Variants in DPYD observed in about 807,000 individuals in gnomAD.
DPYD encodes the protein dihydropyrimidine dehydrogenase [NADP(+)].
A neutral mutation model predicts 116.2 loss-of-function variants in DPYD; 109 were observed. That is an observed-to-expected ratio of 0.94 (90% CI 0.80 to 1.10). The LOEUF is 1.10. Ranked by LOEUF, DPYD falls within the 50% of genes least tolerant of loss-of-function variation. The pLI, the probability that DPYD is intolerant of heterozygous loss-of-function variation, is 0.00. For missense variants in DPYD, 1,302 were observed against 1,254.5 expected, an observed-to-expected ratio of 1.04 and a Z score of -0.57; for synonymous variants, 440 against 432.0, an observed-to-expected ratio of 1.02 and a Z score of -0.23.
chr1:97,424,266 A>G (rs908317144), intron 14 of DPYD, among the ~76,000 whole-genome samples: 3 of 152,118 alleles, frequency 2.0e-5, no homozygotes, highest in Non-Finnish European at 4.4e-5. Context: ...TCGTGGTTAC[A>G]TGGTGAGGCT....
At chr1:97,799,855 C>T (rs1014219918) in intron 3 of DPYD, among the ~76,000 whole-genome samples, 1 of 151,824 alleles carries the variant, frequency 6.6e-6, no homozygotes, top group African/African-American at 2.4e-5. Context: ...TAGAACAGAA[C>T]CTTGTTGTTA....
At chr1:97,696,204 AT>A (rs889898765) in intron 6 of DPYD, among the ~76,000 whole-genome samples, 3 of 152,020 alleles carry the variant, frequency 2.0e-5, no homozygotes, top group Non-Finnish European at 4.4e-5. Context: ...ATCAGAGGAC[AT>A]TTTTTTAGAG....
intron 19 of DPYD, among the ~76,000 whole-genome samples, chr1:97,228,436 T>C (rs1421358610): frequency 1.3e-5 from 2 of 152,174 alleles, no homozygotes; most frequent in African/African-American, 4.8e-5. Context: ...TGTAAATCTT[T>C]ATTTTAGCAG....
chr1:97,563,776 C>T (rs188816222), intron 11 of DPYD, among the ~76,000 whole-genome samples: 77 of 152,288 alleles, frequency 5.1e-4, no homozygotes, highest in African/African-American at 1.8e-3. Flanking sequence ...GATTCCCAAT[C>T]ACTTTCAACA....
At position 97,261,423 on chromosome 1, in the gene DPYD, C is replaced by A. The variant is rs142487018; in HGVS notation, c.2300-26429G>T. On this transcript the variant is annotated intron_variant, in intron 18 of 22. Coordinates refer to ENST00000370192, the MANE Select transcript of DPYD (RefSeq NM_000110.4). ...GCACAAATATGAGAAAATTAAGTATCAAGTGACACTTGCTAGTGTGGATGA... is the reference window on the plus strand; with the variant it reads ...GCACAAATATGAGAAAATTAAGTATAAAGTGACACTTGCTAGTGTGGATGA... Among the ~76,000 whole-genome samples the A allele has an allele frequency of 4.1e-3, 612 of 150,218 alleles. 11 individuals are homozygous for A. Among genetic ancestry groups the A allele is most frequent in the African/African-American group, 0.014 (589 of 40,996 alleles).
chr1:97,210,982 T>G (rs1324382564), intron 19 of DPYD, among the ~76,000 whole-genome samples: 2 of 152,154 alleles, frequency 1.3e-5, no homozygotes, highest in Non-Finnish European at 2.9e-5. Context: ...CTTGCCTCAC[T>G]GCAATACTTT....
chr1:97,470,437 A>G (rs1320046967), intron 13 of DPYD, among the ~76,000 whole-genome samples: 1 of 152,002 alleles, frequency 6.6e-6, no homozygotes, highest in Non-Finnish European at 1.5e-5. Flanking sequence ...GTGTGGCACA[A>G]TACAAATGAT....
intron 2 of DPYD, among the ~76,000 whole-genome samples, chr1:97,874,367 G>A (rs1476903034): frequency 6.6e-6 from 1 of 151,856 alleles, no homozygotes; most frequent in African/African-American, 2.4e-5. Context: ...CATAAGGAAG[G>A]AGAACTACAA....
intron 13 of DPYD, among the ~76,000 whole-genome samples, chr1:97,514,051 T>C (rs755676899): frequency 1.3e-5 from 2 of 151,906 alleles, no homozygotes; most frequent in African/African-American, 4.8e-5. Flanking sequence ...AAACCCCGCA[T>C]GGTTACATTT....
intron 10 of DPYD, among the ~76,000 whole-genome samples, chr1:97,589,060 G>A (rs148154351): frequency 3.3e-5 from 5 of 152,256 alleles, no homozygotes; most frequent in African/African-American, 1.2e-4. Flanking sequence ...TCTAGGGACA[G>A]GGCCCAGCAA....
intron 14 of DPYD, among the ~76,000 whole-genome samples, chr1:97,439,419 A>G (rs1478630002): frequency 6.6e-6 from 1 of 152,124 alleles, no homozygotes; most frequent in Non-Finnish European, 1.5e-5. Context: ...AATGTTATCT[A>G]TTGTCTCTTG....
intron 1 of DPYD, among the ~76,000 whole-genome samples, chr1:97,885,837 A>G (rs1213503968): frequency 2.6e-5 from 4 of 152,104 alleles, no homozygotes; most frequent in Admixed American, 2.0e-4. Flanking sequence ...TTTTTGAGAT[A>G]TAAGGTAGGA....
At chr1:97,583,837 A>G (rs1283628204) in intron 10 of DPYD, among the ~76,000 whole-genome samples, 1 of 152,100 alleles carries the variant, frequency 6.6e-6, no homozygotes, top group Non-Finnish European at 1.5e-5. Flanking sequence ...GGTTGGTTCC[A>G]AGTCTTTGCT....
intron 18 of DPYD, among the ~76,000 whole-genome samples, chr1:97,275,480 C>T (rs1664875484): frequency 6.6e-6 from 1 of 152,110 alleles, no homozygotes; most frequent in South Asian, 2.1e-4. Context: ...GTCTATTTGC[C>T]TTTGGGCAGA....
At chr1:97,594,902 T>C (rs1654768958) in intron 9 of DPYD, among the ~76,000 whole-genome samples, 157 bp downstream of exon 9, 2 of 152,090 alleles carry the variant, frequency 1.3e-5, no homozygotes, top group South Asian at 4.1e-4. Context: ...TGGCAAACTG[T>C]TATACCCGGC....
chr1:97,315,051 G>T (rs960073955), intron 16 of DPYD, among the ~76,000 whole-genome samples: 1 of 151,978 alleles, frequency 6.6e-6, no homozygotes, highest in Non-Finnish European at 1.5e-5. Context: ...CTGCAATGTT[G>T]AGGAGTCGCA....
chr1:97,546,433 T>A (rs561383127), intron 12 of DPYD: 1 of 1,590,660 alleles, frequency 6.3e-7, no homozygotes, highest in East Asian at 2.2e-5. Flanking sequence ...CAATAGAGAT[T>A]CCTGAAGTGA....
chr1:97,608,330 A>G (rs1413814592), intron 8 of DPYD, among the ~76,000 whole-genome samples: 1 of 152,030 alleles, frequency 6.6e-6, no homozygotes, highest in African/African-American at 2.4e-5. Context: ...ATTCTCTTAC[A>G]ATCTTAAATA....
chr1:97,889,775 T>C (rs544435118), intron 1 of DPYD, among the ~76,000 whole-genome samples: 149 of 152,132 alleles, frequency 9.8e-4, no homozygotes, highest in Non-Finnish European at 1.7e-3. Context: ...GACATCCATA[T>C]AACACTCTAA....
Sources: gnomAD v4.1 joint callset for allele counts (sites outside exome capture counted in the v4.1 genomes callset) on GRCh38, gnomAD v4.1.1 for gene constraint, MANE v1.5 for transcripts, NCBI Gene and HGNC (gene_info 2026-07-23, HGNC 2026-07-21) for gene names.